CTNNA3: variants seen among roughly 807,000 people sequenced by gnomAD.
CTNNA3 encodes catenin alpha 3, also known as catenin alpha-3.
A neutral mutation model predicts 95.7 loss-of-function variants in CTNNA3; 76 were observed. The ratio of observed to expected loss-of-function variants is 0.79; its 90% CI spans 0.66 to 0.96. CTNNA3 has a LOEUF of 0.96. Among genes scored for constraint, CTNNA3 ranks in the 40% least tolerant of loss-of-function variants. The pLI is 0.00. For synonymous variants in CTNNA3, 431 were observed against 374.4 expected, an observed-to-expected ratio of 1.15 and a Z score of -1.74; for missense variants, 1,191 against 1,089.8, an observed-to-expected ratio of 1.09 and a Z score of -1.31.
At chr10:67,311,151 T>C (rs1296724658) in intron 5 of CTNNA3, among the ~76,000 whole-genome samples, 1 of 152,172 alleles carries the variant, frequency 6.6e-6, no homozygotes, top group Non-Finnish European at 1.5e-5. Flanking sequence ...ATTTTGACTC[T>C]GGAAAAAACT....
intron 7 of CTNNA3, among the ~76,000 whole-genome samples, chr10:67,156,664 T>C (rs1401981644): frequency 6.6e-6 from 1 of 152,152 alleles, no homozygotes; most frequent in Non-Finnish European, 1.5e-5. Flanking sequence ...TGGTAAGATT[T>C]CAATCTCCGT....
chr10:67,610,647 C>T (rs1843426697), intron 2 of CTNNA3, among the ~76,000 whole-genome samples: 1 of 152,178 alleles, frequency 6.6e-6, no homozygotes, highest in Non-Finnish European at 1.5e-5. Context: ...GGTCTCCCAC[C>T]TCTTGAAGGA....
intron 5 of CTNNA3, among the ~76,000 whole-genome samples, chr10:67,223,315 T>A (rs1404143292): frequency 6.6e-6 from 1 of 152,242 alleles, no homozygotes; most frequent in Non-Finnish European, 1.5e-5. Context: ...GTTGTTTTAT[T>A]TTAACTGATG....
At chr10:66,528,685 AC>A in intron 10 of CTNNA3, among the ~76,000 whole-genome samples, 1 of 152,212 alleles carries the variant, frequency 6.6e-6, no homozygotes. Flanking sequence ...ATTTTTTACC[AC>A]CTTCATACTT....
At chr10:65,938,890 C>CTTTTTTTTTTTT (rs35971028) in intron 17 of CTNNA3, among the ~76,000 whole-genome samples, 1 of 145,256 alleles carries the variant, frequency 6.9e-6, no homozygotes, top group Non-Finnish European at 1.5e-5. Context: ...AAGAGTTTTC[C>CTTTTTTTTTTTT]TTTTTTTTTT....
At chr10:66,569,483 A>T (rs542309812) in intron 10 of CTNNA3, among the ~76,000 whole-genome samples, 125 of 152,316 alleles carry the variant, frequency 8.2e-4, no homozygotes, top group African/African-American at 2.4e-3. Flanking sequence ...CTCAAAAGTA[A>T]TCATCTCAGT....
At chr10:67,606,801 G>A (rs1843289795) in intron 3 of CTNNA3, 56 bp downstream of exon 3, 1 of 1,347,580 alleles carries the variant, frequency 7.4e-7, no homozygotes, top group Non-Finnish European at 1.0e-6. Context: ...TCTAATTTGG[G>A]TGACTAACAC....
At chr10:67,495,950 C>A (rs1839009842) in intron 5 of CTNNA3, among the ~76,000 whole-genome samples, 1 of 152,192 alleles carries the variant, frequency 6.6e-6, no homozygotes, top group Non-Finnish European at 1.5e-5. Context: ...TAGGCACTAT[C>A]TCCTAACATT....
intron 7 of CTNNA3, among the ~76,000 whole-genome samples, chr10:66,876,471 A>G (rs1844626118): frequency 6.6e-6 from 1 of 152,172 alleles, no homozygotes; most frequent in South Asian, 2.1e-4. Context: ...CCTACACAAT[A>G]TGCAATCCTT....
chr10:66,223,552 G>A (rs961517559), intron 13 of CTNNA3, among the ~76,000 whole-genome samples: 4 of 151,992 alleles, frequency 2.6e-5, no homozygotes, highest in Non-Finnish European at 2.9e-5. Flanking sequence ...TACAAGATTC[G>A]TTTCTATTTT....
chr10:65,974,293 T>C (rs1159596768), intron 16 of CTNNA3, among the ~76,000 whole-genome samples: 6 of 152,212 alleles, frequency 3.9e-5, no homozygotes, highest in Non-Finnish European at 8.8e-5. Flanking sequence ...CTTGCATTCA[T>C]ATGTTCATTG....
chr10:66,592,982 C>A (rs1481611312), intron 10 of CTNNA3, among the ~76,000 whole-genome samples: 2 of 151,790 alleles, frequency 1.3e-5, no homozygotes, highest in Non-Finnish European at 2.9e-5. Flanking sequence ...CCATTATGGA[C>A]AATGAAGAAG....
intron 9 of CTNNA3, among the ~76,000 whole-genome samples, chr10:66,641,449 C>T (rs1845514031): frequency 6.6e-6 from 1 of 152,108 alleles, no homozygotes; most frequent in South Asian, 2.1e-4. Flanking sequence ...TGCTCCTAAC[C>T]CACAGAAACT....
At chr10:66,394,406 T>G (rs1299164173) in intron 11 of CTNNA3, among the ~76,000 whole-genome samples, 1 of 151,808 alleles carries the variant, frequency 6.6e-6, no homozygotes, top group African/African-American at 2.4e-5. Flanking sequence ...ACAGAAAAAG[T>G]GAAACAAACC....
chr10:66,789,863 G>A (rs1158645261), intron 7 of CTNNA3, among the ~76,000 whole-genome samples: 1 of 152,114 alleles, frequency 6.6e-6, no homozygotes, highest in Non-Finnish European at 1.5e-5. Context: ...AGCAAGATAG[G>A]ATCTATTTGA....
chr10:66,270,393 CG>C (rs760828007), intron 13 of CTNNA3, among the ~76,000 whole-genome samples: 2 of 151,892 alleles, frequency 1.3e-5, no homozygotes, highest in Non-Finnish European at 2.9e-5. Flanking sequence ...TTTACAGAGA[CG>C]GGGGTTTCAC....
At position 67,445,029 on chromosome 10, in the gene CTNNA3, T is replaced by C. The variant is rs1302378147; in HGVS notation, c.579+76813A>G. Among the ~76,000 whole-genome samples the C allele has an allele frequency of 2.0e-5, 3 of 151,442 alleles. No individual in the cohort carries two copies. The East Asian group carries it at 5.8e-4, about 29-fold the overall frequency. On this transcript the variant is annotated intron_variant, in intron 5 of 17. Coordinates refer to ENST00000433211, the MANE Select transcript of CTNNA3 (RefSeq NM_013266.4). ...GAACAAATAATCAGGAAAAAAAAAC[T>C]AATACCAATTCTGCTCAAACTACTC...
intron 9 of CTNNA3, among the ~76,000 whole-genome samples, chr10:66,657,757 T>C (rs1297583580): frequency 6.6e-6 from 1 of 152,230 alleles, no homozygotes; most frequent in Non-Finnish European, 1.5e-5. Context: ...AAATATTGTT[T>C]AAAATAAATT....
chr10:66,635,593 T>A (rs776043009), intron 9 of CTNNA3, among the ~76,000 whole-genome samples: 1 of 152,174 alleles, frequency 6.6e-6, no homozygotes, highest in Non-Finnish European at 1.5e-5. Context: ...CATATTGCAC[T>A]GTTCAAATGC....
Sources: gnomAD v4.1 joint callset for allele counts (sites outside exome capture counted in the v4.1 genomes callset) on GRCh38, gnomAD v4.1.1 for gene constraint, MANE v1.5 for transcripts, NCBI Gene and HGNC (gene_info 2026-07-23, HGNC 2026-07-21) for gene names.